KLRG1: variants seen among roughly 807,000 people sequenced by gnomAD.
KLRG1 encodes the protein killer cell lectin like receptor G1.
KLRG1 carries 16 observed loss-of-function variants against 21.8 expected under a neutral mutation model. The ratio of observed to expected loss-of-function variants is 0.73; its 90% confidence interval spans 0.50 to 1.11. The LOEUF is 1.11. KLRG1 is among the 50% of genes most tolerant of loss of function. The pLI is 0.00. For synonymous variants in KLRG1, 69 were observed against 75.9 expected, an observed-to-expected ratio of 0.91 and a Z score of 0.47; for missense variants, 173 against 218.3, an observed-to-expected ratio of 0.79 and a Z score of 1.31.
At chr12:9,079,982 G>A in the KLRG1 span, 4 of 928,056 alleles carry the variant, frequency 4.3e-6, no homozygotes, top group Non-Finnish European at 6.1e-6. Context: ...CAAAGAAGAA[G>A]AGAAGAAAGA....
chr12:9,079,134 C>G, the KLRG1 span: 2 of 794,324 alleles, frequency 2.5e-6, no homozygotes, highest in East Asian at 5.3e-5. Context: ...TATAACAAAC[C>G]ATCGGTCTGA....
chr12:9,021,949 C>G, the KLRG1 span, among the ~76,000 whole-genome samples: 2 of 152,108 alleles, frequency 1.3e-5, no homozygotes, highest in East Asian at 1.9e-4. Flanking sequence ...GGAATAGACT[C>G]TAAGATAATG....
chr12:8,973,731 A>G (rs1279688448), intron 1 of KLRG1, among the ~76,000 whole-genome samples: 1 of 152,218 alleles, frequency 6.6e-6, no homozygotes, highest in African/African-American at 2.4e-5. Flanking sequence ...TTCCTTCATT[A>G]ATGTTTTATA....
rs1947582421 is a variant in KLRG1, at chr12:9,009,489, A to G, written c.522A>G (p.Ser174=). 2 of 1,613,992 alleles carry G rather than the reference A, an allele frequency of 1.2e-6. No individual in the cohort carries two copies. ...TCAACAAAAATGGTCTTCAAGCCTC[A>G]AGCTGTGAAGTTCCTTTACACTGGG... ...GAINKNGLQA[S]SCEVPLHWVC... The change falls in exon 5 of 5, where the codon TCA becomes TCG. Residue 174 remains serine (S), a synonymous_variant. Coordinates refer to ENST00000356986, the MANE Select transcript of KLRG1 (RefSeq NM_005810.4).
At chr12:9,210,451 T>G in the KLRG1 span, among the ~76,000 whole-genome samples, 2 of 152,202 alleles carry the variant, frequency 1.3e-5, no homozygotes, top group Non-Finnish European at 2.9e-5. Context: ...CTAAAGGCTT[T>G]AAAATGTGCT....
At chr12:9,142,196 T>C in the KLRG1 span, among the ~76,000 whole-genome samples, 8 of 152,216 alleles carry the variant, frequency 5.3e-5, no homozygotes, top group Non-Finnish European at 8.8e-5. Context: ...CAAAGCAAAC[T>C]TCCTTCATGT....
At chr12:9,186,811 T>C in the KLRG1 span, among the ~76,000 whole-genome samples, 2 of 122,336 alleles carry the variant, frequency 1.6e-5, no homozygotes, top group Admixed American at 1.2e-4. Context: ...TGAGAACACA[T>C]GGACACAGGG....
the KLRG1 span, among the ~76,000 whole-genome samples, chr12:9,149,977 A>T: frequency 6.6e-6 from 1 of 152,092 alleles, no homozygotes; most frequent in African/African-American, 2.4e-5. Flanking sequence ...TCCTACTTCT[A>T]TAGACCCCCA....
At chr12:9,157,288 T>A in the KLRG1 span, 1 of 1,614,078 alleles carries the variant, frequency 6.2e-7, no homozygotes, top group Non-Finnish European at 8.5e-7. Flanking sequence ...ATGGCTCCCA[T>A]GGGTCCCCTC....
the KLRG1 span, among the ~76,000 whole-genome samples, chr12:9,048,627 A>G: frequency 3.3e-5 from 5 of 152,238 alleles, no homozygotes; most frequent in Non-Finnish European, 4.4e-5. Flanking sequence ...TCATATGAGT[A>G]AATACAGAAA....
At chr12:9,181,766 A>C in the KLRG1 span, among the ~76,000 whole-genome samples, 1 of 152,178 alleles carries the variant, frequency 6.6e-6, no homozygotes, top group Non-Finnish European at 1.5e-5. Context: ...CATGAACACA[A>C]AACTGATTGT....
At chr12:9,059,701 G>A in the KLRG1 span, among the ~76,000 whole-genome samples, 2 of 152,140 alleles carry the variant, frequency 1.3e-5, no homozygotes, top group Admixed American at 6.6e-5. Context: ...ATGTATGTAT[G>A]TTGAGACAGG....
the KLRG1 span, among the ~76,000 whole-genome samples, chr12:9,056,559 T>TGG: frequency 6.6e-6 from 1 of 150,980 alleles, no homozygotes; most frequent in Non-Finnish European, 1.5e-5. Flanking sequence ...AAATTTTACT[T>TGG]GGGGGGTGTG....
the KLRG1 span, among the ~76,000 whole-genome samples, chr12:9,104,895 G>C: frequency 6.6e-6 from 1 of 152,136 alleles, no homozygotes; most frequent in African/African-American, 2.4e-5. Context: ...AGTCTCATAA[G>C]TGCACAAGTA....
At chr12:9,110,362 A>T in the KLRG1 span, 1 of 1,350,508 alleles carries the variant, frequency 7.4e-7, no homozygotes, top group African/African-American at 1.5e-5. Flanking sequence ...AAAGAAGTTT[A>T]TAATTATTTT....
At chr12:8,963,779 A>G (rs1391318214) in intron 1 of KLRG1, among the ~76,000 whole-genome samples, 1 of 152,110 alleles carries the variant, frequency 6.6e-6, no homozygotes, top group Non-Finnish European at 1.5e-5. Flanking sequence ...TGTATGTGTT[A>G]AGGAATTTAT....
chr12:9,090,522 G>T, the KLRG1 span: 1 of 1,602,488 alleles, frequency 6.2e-7, no homozygotes, highest in South Asian at 1.1e-5. Context: ...GAGGGAAGGA[G>T]AACAGAGGGA....
intron 1 of KLRG1, among the ~76,000 whole-genome samples, chr12:8,962,934 A>G (rs1946404780): frequency 6.6e-6 from 1 of 152,126 alleles, no homozygotes; most frequent in African/African-American, 2.4e-5. Context: ...AAAAACTCAT[A>G]GATCAAAGAT....
the KLRG1 span, among the ~76,000 whole-genome samples, chr12:9,146,612 C>T: frequency 6.6e-6 from 1 of 151,854 alleles, no homozygotes; most frequent in Non-Finnish European, 1.5e-5. Flanking sequence ...AAGGAAGGCA[C>T]CTCTCCCATT....
Sources: allele counts gnomAD v4.1 joint callset (sites outside exome capture counted in the v4.1 genomes callset), GRCh38; gene constraint gnomAD v4.1.1; transcripts MANE v1.5; gene names NCBI Gene and HGNC (gene_info 2026-07-23, HGNC 2026-07-21).